Variants in LRRC20 observed in about 807,000 individuals in gnomAD.
LRRC20 encodes leucine rich repeat containing 20, also known as leucine-rich repeat-containing protein 20.
A neutral mutation model predicts 14.4 loss-of-function variants in LRRC20; 11 were observed. That is an observed-to-expected ratio of 0.77 (90% confidence interval 0.48 to 1.27). The LOEUF (loss-of-function observed/expected upper bound fraction) is 1.27, where lower values mean the gene tolerates loss of function less well. Ranked by LOEUF, LRRC20 falls within the 50% of genes most tolerant of loss-of-function variation. LRRC20 has a pLI of 0.00. For missense variants in LRRC20, 219 were observed against 251.2 expected, an observed-to-expected ratio of 0.87 and a Z score of 0.87; for synonymous variants, 121 against 107.3, an observed-to-expected ratio of 1.13 and a Z score of -0.79.
At chr10:70,318,621 G>A (rs963162420) in intron 4 of LRRC20, among the ~76,000 whole-genome samples, 1 of 151,952 alleles carries the variant, frequency 6.6e-6, no homozygotes, top group Non-Finnish European at 1.5e-5. Flanking sequence ...GGGCATGGTG[G>A]TGTGCACCTG....
At chr10:70,331,619 A>AGAT (rs1270460914) in intron 3 of LRRC20, among the ~76,000 whole-genome samples, 1 of 152,144 alleles carries the variant, frequency 6.6e-6, no homozygotes, top group African/African-American at 2.4e-5. Context: ...GAGAGGGCTG[A>AGAT]GATCTTCTGG....
At chr10:70,304,505 T>TATATATATATATA (rs1283512949) in intron 4 of LRRC20, among the ~76,000 whole-genome samples, 1 of 128,708 alleles carries the variant, frequency 7.8e-6, no homozygotes, top group African/African-American at 3.0e-5. Flanking sequence ...TATATATATA[T>TATATATATATATA]ATTTTACTAA....
Position 70,300,400 on chromosome 10 carries a change from G to A in LRRC20, c.*954C>T. 1.0e-6 allele frequency: 1 copy of A among 985,510 alleles called. No homozygotes were observed. Among genetic ancestry groups the A allele is most frequent in the Non-Finnish European group, 1.2e-6 (1 of 829,988 alleles). The allele number at this position is 985,510 out of a possible 1,614,324, so 61.0% of individuals were successfully genotyped here. A position where few individuals can be genotyped will look rare whatever the true frequency, so the allele number is the denominator to read the frequency against. On this transcript the variant is annotated 3_prime_UTR_variant, in exon 5 of 5. Coordinates refer to ENST00000446961, the MANE Select transcript of LRRC20 (RefSeq NM_001278212.2). Reference sequence around the variant, plus strand: ...GCCTCAGAAGAACCAGGTCATCAGGGCTTTGGGCGTTGGCCTGGGAGCTGG... The same window carrying A: ...GCCTCAGAAGAACCAGGTCATCAGGACTTTGGGCGTTGGCCTGGGAGCTGG...
intron 2 of LRRC20, among the ~76,000 whole-genome samples, chr10:70,343,714 G>A (rs181911246): frequency 6.6e-5 from 10 of 152,320 alleles, no homozygotes; most frequent in South Asian, 6.2e-4. Context: ...CTCTGTGACC[G>A]ATATATTAAG....
At chr10:70,328,546 C>T (rs1305820708) in intron 3 of LRRC20, among the ~76,000 whole-genome samples, 4 of 152,222 alleles carry the variant, frequency 2.6e-5, no homozygotes, top group Non-Finnish European at 4.4e-5. Flanking sequence ...ATACACCCGC[C>T]TCGGCCTTCC....
At chr10:70,303,016 T>A (rs1841274642) in intron 4 of LRRC20, among the ~76,000 whole-genome samples, 1 of 141,490 alleles carries the variant, frequency 7.1e-6, no homozygotes, top group Admixed American at 7.5e-5. Flanking sequence ...GGCCCTCTAT[T>A]TCTTAAAAGA....
rs1218069739 is a variant in LRRC20, at chr10:70,300,743, C to A, written c.*611G>T. 61 of 985,614 alleles carry A rather than the reference C, an allele frequency of 6.2e-5. No homozygotes were observed. Among genetic ancestry groups the A allele is most frequent in the Non-Finnish European group, 7.1e-5 (59 of 830,176 alleles). The allele number at this position is 985,614 out of a possible 1,614,324, so 61.1% of individuals were successfully genotyped here. A position where few individuals can be genotyped will look rare whatever the true frequency, so the allele number is the denominator to read the frequency against. On this transcript the variant is annotated 3_prime_UTR_variant, in exon 5 of 5. Coordinates refer to ENST00000446961, the MANE Select transcript of LRRC20 (RefSeq NM_001278212.2). ...CTACATGAATGTTCTTGCCCTGCAG[C>A]AGTGCCAGCCCATATTCCCACCACA...
At position 70,340,569 on chromosome 10, in the gene LRRC20, T is replaced by C; in HGVS notation, c.216A>G (p.Thr72=). 1.9e-6 allele frequency: 3 copies of C among 1,614,150 alleles called. No individual in the cohort carries two copies. Among genetic ancestry groups the C allele is most frequent in the Non-Finnish European group, 2.5e-6 (3 of 1,180,026 alleles). ...AGGGCCTACCTCGGAGCTGACTGAATGTGGTCATGAACTTGCTGGTGAGGG... is the reference window on the plus strand; with the variant it reads ...AGGGCCTACCTCGGAGCTGACTGAACGTGGTCATGAACTTGCTGGTGAGGG... ...LKSLTSKFMT[T]FSQLRELHLE... Residue 72 remains threonine, a synonymous_variant, in exon 3 of 5, where the codon ACA becomes ACG. Transcript: ENST00000446961.
At chr10:70,352,031 G>T (rs1452477863) in intron 2 of LRRC20, among the ~76,000 whole-genome samples, 3 of 152,162 alleles carry the variant, frequency 2.0e-5, no homozygotes, top group Non-Finnish European at 4.4e-5. Flanking sequence ...GGTGTACTTA[G>T]TAAGCATATT....
intron 4 of LRRC20, among the ~76,000 whole-genome samples, chr10:70,316,295 G>T (rs1841855484): frequency 6.6e-6 from 1 of 152,092 alleles, no homozygotes; most frequent in Admixed American, 6.6e-5. Context: ...ACCACACCTG[G>T]CTAATTTTTG....
At chr10:70,311,095 A>G (rs567655040) in intron 4 of LRRC20, among the ~76,000 whole-genome samples, 2 of 152,212 alleles carry the variant, frequency 1.3e-5, no homozygotes, top group African/African-American at 4.8e-5. Flanking sequence ...TCTTCATGAT[A>G]TGCTGTAAAT....
intron 4 of LRRC20, among the ~76,000 whole-genome samples, chr10:70,309,543 G>T (rs1482988279): frequency 2.0e-5 from 3 of 152,220 alleles, no homozygotes; most frequent in Non-Finnish European, 4.4e-5. Context: ...GTTTCACTGA[G>T]CGATTCAGTA....
At chr10:70,358,091 A>G (rs1356629968) in intron 2 of LRRC20, among the ~76,000 whole-genome samples, 1 of 152,226 alleles carries the variant, frequency 6.6e-6, no homozygotes, top group African/African-American at 2.4e-5. Flanking sequence ...TCTTGAGAAC[A>G]TCGCCCTACA....
At chr10:70,368,986 C>T (rs4314981) in intron 2 of LRRC20, among the ~76,000 whole-genome samples, 145,590 of 152,298 alleles carry the variant, frequency 0.96, 69,871 homozygotes, top group East Asian at 1. Context: ...ACCTACCCTT[C>T]AGAAAATCCT....
At chr10:70,376,406 C>A in intron 2 of LRRC20, 46 bp downstream of exon 2, 2 of 1,587,542 alleles carry the variant, frequency 1.3e-6, no homozygotes, top group Non-Finnish European at 8.6e-7. Flanking sequence ...AAGCTGATCT[C>A]ACAACTGCTT....
At chr10:70,372,490 G>A (rs1166290347) in intron 2 of LRRC20, among the ~76,000 whole-genome samples, 2 of 140,940 alleles carry the variant, frequency 1.4e-5, no homozygotes, top group African/African-American at 2.7e-5. Context: ...CACCCAGGCT[G>A]GAGTCCAGTG....
intron 1 of LRRC20, among the ~76,000 whole-genome samples, chr10:70,377,478 A>G (rs1447192444): frequency 6.6e-6 from 1 of 152,214 alleles, no homozygotes; most frequent in Non-Finnish European, 1.5e-5. Context: ...GTAAGCGGCA[A>G]GAATAGGGTC....
chr10:70,363,269 G>A (rs118025293), intron 2 of LRRC20, among the ~76,000 whole-genome samples: 5,616 of 151,284 alleles, frequency 0.037, 166 homozygotes, highest in East Asian at 0.053. Flanking sequence ...GGGAAGGGGA[G>A]GGGAGGGGAG....
At chr10:70,356,900 T>C (rs1157184951) in intron 2 of LRRC20, among the ~76,000 whole-genome samples, 4 of 152,116 alleles carry the variant, frequency 2.6e-5, no homozygotes, top group Non-Finnish European at 5.9e-5. Context: ...AACACCTGTA[T>C]ATAAATGTTC....
Sources: gnomAD v4.1 joint callset for allele counts (sites outside exome capture counted in the v4.1 genomes callset) on GRCh38, gnomAD v4.1.1 for gene constraint, MANE v1.5 for transcripts, NCBI Gene and HGNC (gene_info 2026-07-23, HGNC 2026-07-21) for gene names.